Variants in DGKB observed in about 807,000 individuals in gnomAD.
The protein encoded by DGKB is diacylglycerol kinase beta.
DGKB carries 67 observed loss-of-function variants against 114.3 expected under a neutral mutation model. The observed-to-expected ratio is 0.59, with a 90% confidence interval of 0.48 to 0.72. DGKB has a LOEUF of 0.72. Among genes scored for constraint, DGKB ranks in the 30% least tolerant of loss-of-function variants. The pLI is 0.00. For synonymous variants in DGKB, 398 were observed against 323.1 expected (o/e 1.23, Z -2.49); for missense variants, 907 against 975.2 (o/e 0.93, Z 0.93).
chr7:14,639,881 T>C (rs1018361922), intron 13 of DGKB, among the ~76,000 whole-genome samples: 29 of 152,204 alleles, frequency 1.9e-4, no homozygotes, highest in Admixed American at 6.5e-5. Context: ...TTAGTAAGGA[T>C]AGCAAGAACA....
At chr7:14,704,013 G>A (rs184535403) in intron 6 of DGKB, among the ~76,000 whole-genome samples, 1 of 151,868 alleles carries the variant, frequency 6.6e-6, no homozygotes, top group African/African-American at 2.4e-5. Flanking sequence ...TCGAAAAATA[G>A]AATTCTTACT....
At chr7:14,843,647 A>T (rs1848259189) in intron 1 of DGKB, among the ~76,000 whole-genome samples, 1 of 152,208 alleles carries the variant, frequency 6.6e-6, no homozygotes, top group African/African-American at 2.4e-5. Context: ...AACTTTTTTT[A>T]AAGTCAAGGA....
chr7:14,581,213 C>T (rs998465538), intron 18 of DGKB, among the ~76,000 whole-genome samples: 2 of 152,080 alleles, frequency 1.3e-5, no homozygotes, highest in Admixed American at 1.3e-4. Flanking sequence ...TTTTAAATAT[C>T]TTAACTCAGC....
intron 2 of DGKB, among the ~76,000 whole-genome samples, chr7:14,818,303 C>T (rs1331701842): frequency 1.3e-5 from 2 of 152,096 alleles, no homozygotes; most frequent in East Asian, 1.9e-4. Flanking sequence ...CAAGGGAGGT[C>T]GAATTTCTAT....
intron 20 of DGKB, among the ~76,000 whole-genome samples, chr7:14,498,617 A>G (rs1162648545): frequency 6.6e-6 from 1 of 151,742 alleles, no homozygotes; most frequent in Non-Finnish European, 1.5e-5. Context: ...GGGAATTGCT[A>G]ATTTAGTTGA....
intron 1 of DGKB, among the ~76,000 whole-genome samples, chr7:14,922,394 G>A (rs984503365): frequency 1.3e-5 from 2 of 151,804 alleles, no homozygotes; most frequent in African/African-American, 4.8e-5. Context: ...GTGTGTGTGT[G>A]TGTGTGTGTG....
At chr7:14,725,437 C>T (rs1281880520) in intron 5 of DGKB, among the ~76,000 whole-genome samples, 1 of 151,804 alleles carries the variant, frequency 6.6e-6, no homozygotes, top group African/African-American at 2.4e-5. Flanking sequence ...TTAAAAGAGC[C>T]CATGATGCCA....
At chr7:14,310,598 C>T (rs6975629) in intron 23 of DGKB, among the ~76,000 whole-genome samples, 14,936 of 152,192 alleles carry the variant, frequency 0.098, 2,049 homozygotes, top group African/African-American at 0.31. Flanking sequence ...CTTCTTCCTC[C>T]ACAACTCTCT....
intron 1 of DGKB, among the ~76,000 whole-genome samples, chr7:14,931,773 A>C (rs1421414188): frequency 6.6e-6 from 1 of 151,576 alleles, no homozygotes; most frequent in African/African-American, 2.4e-5. Flanking sequence ...CTGGATTATA[A>C]GATACACCAC....
chr7:14,538,946 T>C (rs113771604), intron 20 of DGKB, among the ~76,000 whole-genome samples: 6 of 152,070 alleles, frequency 3.9e-5, no homozygotes, highest in South Asian at 2.1e-4. Flanking sequence ...TAGAAATAGA[T>C]AGTAAAATGG....
At chr7:14,772,864 C>A (rs1004443954) in intron 2 of DGKB, among the ~76,000 whole-genome samples, 2 of 152,050 alleles carry the variant, frequency 1.3e-5, no homozygotes, top group Admixed American at 1.3e-4. Context: ...CCTTTCTCAC[C>A]CCTCACCAGT....
At chr7:14,658,510 A>G (rs1374407673) in intron 13 of DGKB, among the ~76,000 whole-genome samples, 2 of 151,876 alleles carry the variant, frequency 1.3e-5, no homozygotes, top group Non-Finnish European at 2.9e-5. Flanking sequence ...AATGTTCAAT[A>G]GTAGAGTAGA....
At chr7:14,922,296 T>G (rs111708178) in intron 1 of DGKB, among the ~76,000 whole-genome samples, 1 of 152,048 alleles carries the variant, frequency 6.6e-6, no homozygotes, top group African/African-American at 2.4e-5. Flanking sequence ...GGGTGCCATG[T>G]ACGTCTATAC....
intron 1 of DGKB, among the ~76,000 whole-genome samples, chr7:14,966,632 T>C (rs1436989914): frequency 6.6e-6 from 1 of 152,126 alleles, no homozygotes; most frequent in Non-Finnish European, 1.5e-5. Context: ...CAAAGTTGTT[T>C]ACTGCCTGAG....
intron 17 of DGKB, among the ~76,000 whole-genome samples, chr7:14,600,695 C>T (rs531134176): frequency 3.0e-4 from 46 of 152,266 alleles, no homozygotes; most frequent in African/African-American, 1.1e-3. Flanking sequence ...CAAGTAAGTC[C>T]AACACCCAAC....
chr7:14,897,080 T>TC (rs1562843231), intron 1 of DGKB, among the ~76,000 whole-genome samples: 1 of 151,768 alleles, frequency 6.6e-6, no homozygotes, highest in Non-Finnish European at 1.5e-5. Context: ...CATCTGTCCT[T>TC]CCCCTGATTA....
chr7:14,683,822 A>G (rs1330189686), intron 10 of DGKB, among the ~76,000 whole-genome samples: 1 of 152,140 alleles, frequency 6.6e-6, no homozygotes, highest in African/African-American at 2.4e-5. Flanking sequence ...TGAGGGAGAA[A>G]ACATGTTTTC....
intron 21 of DGKB, among the ~76,000 whole-genome samples, chr7:14,470,818 A>T (rs1311001337): frequency 6.6e-6 from 1 of 151,720 alleles, no homozygotes; most frequent in African/African-American, 2.4e-5. Context: ...AATTATAAAT[A>T]TGAATACATC....
intron 21 of DGKB, among the ~76,000 whole-genome samples, chr7:14,418,264 G>A (rs1826038642): frequency 1.6e-5 from 2 of 122,564 alleles, no homozygotes; most frequent in South Asian, 5.2e-4. Context: ...TATTATATAT[G>A]TATATATATT....
Sources: gnomAD v4.1 joint callset for allele counts (sites outside exome capture counted in the v4.1 genomes callset) on GRCh38, gnomAD v4.1.1 for gene constraint, MANE v1.5 for transcripts, NCBI Gene and HGNC (gene_info 2026-07-23, HGNC 2026-07-21) for gene names.